MED27: variants seen among roughly 807,000 people sequenced by gnomAD.
The protein encoded by MED27 is mediator of RNA polymerase II transcription subunit 27.
In MED27, 30 loss-of-function variants were observed where a neutral mutation model predicts 38.2. The observed-to-expected ratio is 0.79, with a 90% CI of 0.59 to 1.07. The LOEUF is 1.07. Among genes scored for constraint, MED27 ranks in the 50% least tolerant of loss-of-function variants. The pLI, the probability that MED27 is intolerant of heterozygous loss-of-function variation, is 0.00. For synonymous variants in MED27, 122 were observed against 153.5 expected (o/e 0.79, Z 1.52); for missense variants, 289 against 397.5 (o/e 0.73, Z 2.32).
chr9:131,933,384 A>T (rs1830626884), intron 4 of MED27, among the ~76,000 whole-genome samples: 1 of 152,206 alleles, frequency 6.6e-6, no homozygotes, highest in South Asian at 2.1e-4. Flanking sequence ...AAAAACCATT[A>T]GAACTGAGAA....
rs1005425017 is a variant in MED27 at position 131,913,245 on chromosome 9, A to T, written c.574-19253T>A. Among the ~76,000 whole-genome samples the T allele has an allele frequency of 2.6e-5, 4 of 152,190 alleles. No individual in the cohort carries two copies. Among genetic ancestry groups the T allele is most frequent in the Non-Finnish European group, 5.9e-5 (4 of 68,028 alleles). On this transcript the variant is annotated intron_variant, in intron 4 of 7. Coordinates refer to ENST00000292035, the MANE Select transcript of MED27 (RefSeq NM_004269.4). This position sits in a 1 kb window ranked among gnomAD's most constrained non-coding sequence, Gnocchi z 4.5. ...TTCTGTATTTCTTTGAATCTCTGTGACCTTTTCATGGATAGTAGCAGAGGT... is the reference window on the plus strand; with the variant it reads ...TTCTGTATTTCTTTGAATCTCTGTGTCCTTTTCATGGATAGTAGCAGAGGT...
chr9:131,965,623 C>T (rs1831321590), intron 3 of MED27, among the ~76,000 whole-genome samples: 1 of 152,152 alleles, frequency 6.6e-6, no homozygotes, highest in African/African-American at 2.4e-5. Flanking sequence ...GGTTCAGAGC[C>T]ACCGGCTCTC....
chr9:132,030,137 G>A (rs10901120), intron 2 of MED27, among the ~76,000 whole-genome samples: 85,928 of 152,128 alleles, frequency 0.56, 26,411 homozygotes, highest in Non-Finnish European at 0.68. Flanking sequence ...AGCCTGACCA[G>A]TGTTAGGGGA....
intron 4 of MED27, among the ~76,000 whole-genome samples, chr9:131,908,273 C>T (rs192774210): frequency 0.079 from 11,678 of 147,672 alleles, 822 homozygotes; most frequent in East Asian, 0.35. Flanking sequence ...GCCCCCCGCC[C>T]GGCCAGCCGC....
Position 131,934,863 on chromosome 9 carries a change from C to T in MED27, c.573+4518G>A, listed in dbSNP as rs150049685. ...AAGAAAATGTGGTACATATACACAA[C>T]GGAGTACTATTCAGCCATAAAAAGT... is the stretch of plus-strand genomic sequence containing the variant. On this transcript the variant is annotated intron_variant, in intron 4 of 7. Transcript: ENST00000292035. Among the ~76,000 whole-genome samples the T allele has an allele frequency of 5.6e-3, 846 of 152,214 alleles. 15 individuals carry two copies. The highest frequency in any genetic ancestry group is 0.019 in the African/African-American group (778 of 41,536).
chr9:132,070,172 C>A (rs1391957859), intron 2 of MED27, among the ~76,000 whole-genome samples: 1 of 152,220 alleles, frequency 6.6e-6, no homozygotes, highest in Non-Finnish European at 1.5e-5. Flanking sequence ...AGTCTGACTC[C>A]AGAGCCCTGC....
intron 3 of MED27, among the ~76,000 whole-genome samples, chr9:131,939,881 C>G (rs568869122): frequency 2.0e-5 from 3 of 151,846 alleles, no homozygotes; most frequent in African/African-American, 7.2e-5. Context: ...ATAACCAATT[C>G]CCAGGATTAA....
chr9:132,052,333 T>G (rs1833481129), intron 2 of MED27, among the ~76,000 whole-genome samples: 1 of 152,200 alleles, frequency 6.6e-6, no homozygotes, highest in African/African-American at 2.4e-5. Context: ...ATAATGAAGG[T>G]TAAATCCACG....
At chr9:131,891,511 C>T (rs1325371903) in intron 5 of MED27, among the ~76,000 whole-genome samples, 1 of 152,240 alleles carries the variant, frequency 6.6e-6, no homozygotes, top group Non-Finnish European at 1.5e-5. Flanking sequence ...TCTCTACTCC[C>T]TGTAAGATAT....
intron 4 of MED27, among the ~76,000 whole-genome samples, chr9:131,895,895 G>A (rs1051817631): frequency 6.7e-5 from 10 of 148,910 alleles, no homozygotes; most frequent in Non-Finnish European, 1.3e-4. Flanking sequence ...GAGCAACTGA[G>A]TTATAGTTGT....
rs1002399664 is a variant in MED27 at position 132,041,853 on chromosome 9, T to C, written c.349-27386A>G. ...CCGCTGACTTTCTTCTTCTCAAGAATGCAAATGATTAAGATAGATTAAATA... is the reference window on the plus strand; with the variant it reads ...CCGCTGACTTTCTTCTTCTCAAGAACGCAAATGATTAAGATAGATTAAATA... On this transcript the variant is annotated intron_variant, in intron 2 of 7. Coordinates refer to ENST00000292035, the MANE Select transcript of MED27 (RefSeq NM_004269.4). Among the ~76,000 whole-genome samples the C allele has an allele frequency of 2.0e-5, 3 of 152,346 alleles. No individual in the cohort carries two copies. In the East Asian group the frequency reaches 5.8e-4, roughly 29 times the overall value.
chr9:131,915,247 C>T (rs1420894398), intron 4 of MED27, among the ~76,000 whole-genome samples: 2 of 152,040 alleles, frequency 1.3e-5, no homozygotes, highest in African/African-American at 4.8e-5. Flanking sequence ...GGGGAGGTGA[C>T]CCTGAATAAA....
intron 3 of MED27, among the ~76,000 whole-genome samples, chr9:131,954,547 G>C (rs1320379948): frequency 6.6e-6 from 1 of 152,148 alleles, no homozygotes; most frequent in Non-Finnish European, 1.5e-5. Context: ...CCTCAGCTGT[G>C]ATCTCCTGAA....
rs1218948340 is a variant in MED27, at chr9:131,861,751, A to G, written c.802-1079T>C. ...GCTGAGCACAGTGCTGAGTGCTGTG[A>G]CAGATGTAAATGGTTCTTTTTTTTT... On this transcript the variant is annotated intron_variant, in intron 7 of 7. Transcript: ENST00000292035. This position sits in a 1 kb window ranked among gnomAD's most constrained non-coding sequence, Gnocchi z 4.4. Among the ~76,000 whole-genome samples, 1 of 151,696 alleles carries G rather than the reference A, an allele frequency of 6.6e-6. No individual in the cohort carries two copies. The highest frequency in any genetic ancestry group is 1.9e-4 in the East Asian group (1 of 5,144).
intron 3 of MED27, 36 bp from the exon 4 acceptor site, chr9:131,939,510 A>G: frequency 1.5e-6 from 2 of 1,372,230 alleles, no homozygotes; most frequent in Non-Finnish European, 2.0e-6. Flanking sequence ...GTGAACTACA[A>G]CTCCAGTTAA....
intron 5 of MED27, among the ~76,000 whole-genome samples, chr9:131,892,683 G>C (rs574102716): frequency 6.6e-6 from 1 of 152,138 alleles, no homozygotes; most frequent in Non-Finnish European, 1.5e-5. Flanking sequence ...TGGTCTCTGC[G>C]AGGGTATACA....
At chr9:131,973,963 T>C (rs977767029) in intron 3 of MED27, among the ~76,000 whole-genome samples, 2 of 152,102 alleles carry the variant, frequency 1.3e-5, no homozygotes, top group Non-Finnish European at 2.9e-5. Context: ...TCCACCCGCC[T>C]TGGCCTCCCA....
intron 3 of MED27, among the ~76,000 whole-genome samples, chr9:131,974,042 C>A (rs1364304371): frequency 6.6e-6 from 1 of 152,144 alleles, no homozygotes; most frequent in Non-Finnish European, 1.5e-5. Context: ...TTTCCCTCCA[C>A]ATTTATTAAT....
chr9:132,009,878 G>A (rs1362565942), intron 3 of MED27, among the ~76,000 whole-genome samples: 1 of 152,208 alleles, frequency 6.6e-6, no homozygotes, highest in East Asian at 1.9e-4. Context: ...TTAGTTTATA[G>A]TTATGTTGTG....
Sources: gnomAD v4.1 joint callset for allele counts (sites outside exome capture counted in the v4.1 genomes callset) on GRCh38, gnomAD v4.1.1 for gene constraint, Gnocchi (gnomAD v3.1) non-coding constraint, MANE v1.5 for transcripts, NCBI Gene and HGNC (gene_info 2026-07-23, HGNC 2026-07-21) for gene names.